The following CRYBG3 variants were observed in gnomAD, a reference collection of about 807,000 sequenced individuals.
The protein encoded by CRYBG3 is very large A-kinase anchor protein.
CRYBG3 carries 127 observed loss-of-function variants against 244.2 expected under a neutral mutation model. That is an observed-to-expected ratio of 0.52 (90% CI 0.45 to 0.60). CRYBG3 has a LOEUF of 0.60. CRYBG3 is among the 20% of genes least tolerant of loss of function. The probability of loss-of-function intolerance (pLI) is 0.00; values close to 1 mark genes in which losing one functional copy is unlikely to be tolerated. For synonymous variants in CRYBG3, 1,132 were observed against 1,195.8 expected, an observed-to-expected ratio of 0.95 and a Z score of 1.10; for missense variants, 3,325 against 3,442.5, an observed-to-expected ratio of 0.97 and a Z score of 0.85.
At chr3:97,865,569 C>T (rs188193321) in intron 3 of CRYBG3, among the ~76,000 whole-genome samples, 4 of 152,214 alleles carry the variant, frequency 2.6e-5, no homozygotes, top group African/African-American at 4.8e-5. Flanking sequence ...TGTTGTGGGG[C>T]TTGTTCAACC....
At position 97,872,201 on chromosome 3, in the gene CRYBG3, A is replaced by G; in HGVS notation, c.1007A>G (p.Asn336Ser). The change falls in exon 4 of 22, where the codon AAT becomes AGT. Residue 336 changes from asparagine (N) to serine (S), a missense_variant. Coordinates refer to ENST00000389622, the MANE Select transcript of CRYBG3 (RefSeq NM_153605.4). Reference protein sequence around the residue: ...IASSNNLLNKNAWGSIERNRS... With the variant: ...IASSNNLLNKSAWGSIERNRS... The stretch of plus-strand genomic sequence containing the variant: ...TCTTCCAATAATCTTTTAAATAAAA[A>G]TGCTTGGGGGAGTATTGAGAGAAAT... 1 of 1,535,802 alleles carries G rather than the reference A, an allele frequency of 6.5e-7. No homozygotes were observed. Among genetic ancestry groups the G allele is most frequent in the South Asian group, 1.2e-5 (1 of 84,040 alleles).
At chr3:97,861,233 C>T (rs1426605810) in intron 2 of CRYBG3, among the ~76,000 whole-genome samples, 1 of 152,152 alleles carries the variant, frequency 6.6e-6, no homozygotes, top group African/African-American at 2.4e-5. Context: ...CATACTATGG[C>T]TTGTGTCTAG....
intron 15 of CRYBG3, among the ~76,000 whole-genome samples, chr3:97,906,657 G>A (rs2039778444): frequency 7.2e-6 from 1 of 139,756 alleles, no homozygotes; most frequent in South Asian, 2.4e-4. Context: ...TGAGACAATG[G>A]GGTTTTCTAG....
At chr3:97,926,420 CA>C (rs1331927142) in intron 17 of CRYBG3, among the ~76,000 whole-genome samples, 2 of 151,890 alleles carry the variant, frequency 1.3e-5, no homozygotes, top group Non-Finnish European at 2.9e-5. Flanking sequence ...GAACATATCA[CA>C]AAATAATAAA....
chr3:97,927,299 C>T (rs1403099802), intron 17 of CRYBG3, among the ~76,000 whole-genome samples: 1 of 151,842 alleles, frequency 6.6e-6, no homozygotes, highest in Non-Finnish European at 1.5e-5. Flanking sequence ...ACAAAGTTGA[C>T]AAGAATAAAC....
At position 97,834,781 on chromosome 3, in the gene CRYBG3, A is replaced by G. The variant is rs141044802; in HGVS notation, c.150-8414A>G. 2.1e-3 allele frequency among the ~76,000 whole-genome samples: 325 copies of G among 152,256 alleles called. 2 individuals carry two copies. Among genetic ancestry groups the G allele is most frequent in the African/African-American group, 7.2e-3 (301 of 41,582 alleles). Reference sequence around the variant, plus strand: ...ATTAACATTAGGTAATATTTGCAGTATTCGTATTTTGTTATTTAATTGCTT... The same window carrying G: ...ATTAACATTAGGTAATATTTGCAGTGTTCGTATTTTGTTATTTAATTGCTT... On this transcript the variant is annotated intron_variant, in intron 1 of 21. Transcript: ENST00000389622.
At chr3:97,930,772 A>G (rs2040089005) in intron 17 of CRYBG3, among the ~76,000 whole-genome samples, 1 of 152,042 alleles carries the variant, frequency 6.6e-6, no homozygotes, top group Admixed American at 6.6e-5. Flanking sequence ...TAACATTTCT[A>G]TCACTTCAGG....
chr3:97,854,459 T>C (rs2039036200), intron 2 of CRYBG3, among the ~76,000 whole-genome samples: 1 of 151,972 alleles, frequency 6.6e-6, no homozygotes, highest in Admixed American at 6.6e-5. Context: ...GTTTTCACAA[T>C]ATTAATTCTA....
rs1316372431 is a variant in CRYBG3, at chr3:97,874,015, T to C, written c.2821T>C (p.Ser941Pro). The C allele has an allele frequency of 2.6e-6, 4 of 1,535,408 alleles. No individual in the cohort carries two copies. Among genetic ancestry groups the C allele is most frequent in the African/African-American group, 1.4e-5 (1 of 73,010 alleles). Residue 941 changes from serine to proline, a missense_variant, in exon 4 of 22, where the codon TCT becomes CCT. Ser to Pro is a moderately conservative substitution (Grantham distance 74, BLOSUM62 -1). Transcript: ENST00000389622. Reference sequence around the variant, plus strand: ...TCCTGCTCTTCTTAAAAGTAATATATCTTGGATTTTACCACCTATTCATGA... The same window carrying C: ...TCCTGCTCTTCTTAAAAGTAATATACCTTGGATTTTACCACCTATTCATGA... ...SPPALLKSNI[S>P]WILPPIHDEK...
chr3:97,875,014 A>G lies in CRYBG3; in HGVS notation c.3820A>G (p.Lys1274Glu), dbSNP rs1559728623. 2.0e-6 allele frequency: 3 copies of G among 1,535,794 alleles called. No homozygotes were observed. In the African/African-American group the frequency reaches 4.1e-5, roughly 21 times the overall value. The change falls in exon 4 of 22, where the codon AAA becomes GAA. Residue 1274 changes from lysine (K) to glutamate (E), a missense_variant. Transcript: ENST00000389622. ...AGGCATGGAAAACATGTCAGAAGTC[A>G]AAGAGAAGCCCTGTGTTTCACCAAC... is the stretch of plus-strand genomic sequence containing the variant. Reference protein sequence around the residue: ...EQGMENMSEVKEKPCVSPTVG... With the variant: ...EQGMENMSEVEEKPCVSPTVG...
chr3:97,895,129 C>T (rs950602538), intron 11 of CRYBG3, among the ~76,000 whole-genome samples: 3 of 152,156 alleles, frequency 2.0e-5, no homozygotes, highest in African/African-American at 4.8e-5. Flanking sequence ...AAATAGTCAT[C>T]CTTGGAATCT....
At chr3:97,846,268 G>C (rs1489089974) in intron 2 of CRYBG3, among the ~76,000 whole-genome samples, 1 of 151,822 alleles carries the variant, frequency 6.6e-6, no homozygotes. Flanking sequence ...CCTACCTCTG[G>C]CTACTTCCTT....
chr3:97,822,983 C>G (rs2108146081), intron 1 of CRYBG3, among the ~76,000 whole-genome samples: 1 of 152,348 alleles, frequency 6.6e-6, no homozygotes, highest in East Asian at 1.9e-4. Flanking sequence ...CGCCACCCTT[C>G]TTTATTTCTC....
chr3:97,830,875 AGTTTG>A (rs1165526750), intron 1 of CRYBG3, among the ~76,000 whole-genome samples: 3 of 151,998 alleles, frequency 2.0e-5, no homozygotes, highest in Non-Finnish European at 4.4e-5. Flanking sequence ...TAGAATGGAG[AGTTTG>A]GCTCAAGCTC....
chr3:97,828,528 T>TAAAAAA (rs59399988), intron 1 of CRYBG3, among the ~76,000 whole-genome samples: 2 of 127,886 alleles, frequency 1.6e-5, no homozygotes, highest in Non-Finnish European at 3.4e-5. Context: ...TACATTAAGT[T>TAAAAAA]AAAAAAAAAA....
intron 6 of CRYBG3, among the ~76,000 whole-genome samples, 188 bp from the exon 7 acceptor site, chr3:97,880,884 T>C (rs944862283): frequency 6.6e-6 from 1 of 152,252 alleles, no homozygotes; most frequent in Admixed American, 6.5e-5. Flanking sequence ...TATGCACTTT[T>C]ATTTTTTCTT....
chr3:97,855,310 T>G lies in CRYBG3; in HGVS notation c.217-8907T>G, dbSNP rs148306579. Among the ~76,000 whole-genome samples the G allele has an allele frequency of 3.4e-3, 514 of 152,200 alleles. 1 individual carries two copies. The highest frequency in any genetic ancestry group is 0.012 in the African/African-American group (493 of 41,548). ...GCCTGTAGTTTTCTTTTGTGTGTGT[T>G]TGTGTGTCCATGTCTGCTTTTGTTA... On this transcript the variant is annotated intron_variant, in intron 2 of 21. Transcript: ENST00000389622.
chr3:97,942,205 A>G (rs765494538), intron 20 of CRYBG3, 79 bp from the exon 21 acceptor site: 38 of 1,274,822 alleles, frequency 3.0e-5, no homozygotes, highest in Non-Finnish European at 3.8e-5. Flanking sequence ...TGACTTGTTT[A>G]CCTAAGATAA....
chr3:97,825,940 T>C (rs1165688143), intron 1 of CRYBG3, among the ~76,000 whole-genome samples: 2 of 152,224 alleles, frequency 1.3e-5, no homozygotes, highest in African/African-American at 4.8e-5. Flanking sequence ...TTCTAAATTG[T>C]CATGATGATT....
Sources: allele counts gnomAD v4.1 joint callset (sites outside exome capture counted in the v4.1 genomes callset), GRCh38; gene constraint gnomAD v4.1.1; transcripts MANE v1.5; gene names NCBI Gene and HGNC (gene_info 2026-07-23, HGNC 2026-07-21).